Variants in APBB2 observed in about 807,000 individuals in gnomAD.
APBB2 encodes the protein Fe65-like 1.
Under a neutral mutation model 82.5 loss-of-function variants are expected in APBB2, and 38 were observed. That is an observed-to-expected ratio of 0.46 (90% CI 0.36 to 0.60). The LOEUF is 0.60. APBB2 is among the 20% of genes least tolerant of loss of function. The pLI is 0.00. For missense variants in APBB2, 772 were observed against 972.3 expected (o/e 0.79, Z 2.74); for synonymous variants, 341 against 368.2 (o/e 0.93, Z 0.85).
intron 10 of APBB2, among the ~76,000 whole-genome samples, chr4:40,904,362 C>T (rs963399545): frequency 2.0e-5 from 3 of 151,850 alleles, no homozygotes; most frequent in Admixed American, 1.3e-4. Flanking sequence ...ACCTGGGAGG[C>T]GCAGGTTGCA....
intron 2 of APBB2, among the ~76,000 whole-genome samples, chr4:41,103,428 C>T (rs1746115411): frequency 6.6e-6 from 1 of 151,994 alleles, no homozygotes; most frequent in Non-Finnish European, 1.5e-5. Flanking sequence ...TCAAGATAGG[C>T]ATAAAGATAT....
At chr4:41,133,098 A>C (rs1756536440) in intron 2 of APBB2, among the ~76,000 whole-genome samples, 1 of 152,218 alleles carries the variant, frequency 6.6e-6, no homozygotes, top group Non-Finnish European at 1.5e-5. Flanking sequence ...AATGGTAATC[A>C]CATTGATTCC....
chr4:41,080,766 G>A (rs1331634304), intron 3 of APBB2, among the ~76,000 whole-genome samples: 2 of 145,266 alleles, frequency 1.4e-5, no homozygotes, highest in African/African-American at 2.5e-5. Flanking sequence ...GCAGTGGCAT[G>A]ATCTCTCCTC....
intron 2 of APBB2, among the ~76,000 whole-genome samples, chr4:41,138,754 A>G (rs6836764): frequency 0.14 from 20,663 of 152,250 alleles, 1,561 homozygotes; most frequent in Non-Finnish European, 0.17. Flanking sequence ...CACTGCAAAA[A>G]TAAATAATAA....
chr4:40,895,877 A>C (rs928174273), intron 10 of APBB2, among the ~76,000 whole-genome samples: 1 of 152,208 alleles, frequency 6.6e-6, no homozygotes, highest in Non-Finnish European at 1.5e-5. Flanking sequence ...CATGTTATAC[A>C]TGAGGAAACT....
chr4:40,916,838 C>T (rs188327085), intron 10 of APBB2, among the ~76,000 whole-genome samples: 53 of 152,306 alleles, frequency 3.5e-4, no homozygotes, highest in Non-Finnish European at 5.7e-4. Context: ...GTTGTGAAGC[C>T]TTGAGATGGT....
chr4:41,155,239 G>GT (rs534389771), intron 1 of APBB2, among the ~76,000 whole-genome samples: 7 of 152,092 alleles, frequency 4.6e-5, no homozygotes, highest in African/African-American at 2.4e-5. Context: ...ATTTGGAACT[G>GT]TTTTTTTGTT....
rs186716685 is a variant in APBB2, at chr4:41,136,578, A to C, written c.-261+6409T>G. 5.9e-5 allele frequency among the ~76,000 whole-genome samples: 9 copies of C among 152,322 alleles called. No homozygotes were observed. The East Asian group carries it at 1.7e-3, about 29-fold the overall frequency. ...CTGGTCTACTCAGGTTGAAATGAGA[A>C]GATTACGAAGAAAGCAGGAAGCAGA... is the stretch of plus-strand genomic sequence containing the variant. On this transcript the variant is annotated intron_variant, in intron 2 of 17. Transcript: ENST00000508593.
intron 12 of APBB2, among the ~76,000 whole-genome samples, chr4:40,852,846 G>T (rs529973614): frequency 6.6e-6 from 1 of 152,220 alleles, no homozygotes; most frequent in African/African-American, 2.4e-5. Flanking sequence ...TTGCCACGTT[G>T]CCCAGGCTGG....
chr4:40,955,422 A>G (rs1791352826), intron 6 of APBB2, among the ~76,000 whole-genome samples: 1 of 152,268 alleles, frequency 6.6e-6, no homozygotes, highest in African/African-American at 2.4e-5. Flanking sequence ...GCAAAGGATT[A>G]TCTGAAGCTA....
Position 40,832,545 on chromosome 4 carries a change from G to A in APBB2, c.1530-1968C>T, listed in dbSNP as rs1303288061. Among the ~76,000 whole-genome samples, 1 of 152,002 alleles carries A rather than the reference G, an allele frequency of 6.6e-6. No homozygotes were observed. Among genetic ancestry groups the A allele is most frequent in the African/African-American group, 2.4e-5 (1 of 41,366 alleles). ...CGTGCCACACCCAATCCCCACATTCGTCCTGTTTCACCTCCTGGAAATTTC... is the reference window on the plus strand; with the variant it reads ...CGTGCCACACCCAATCCCCACATTCATCCTGTTTCACCTCCTGGAAATTTC... On this transcript the variant is annotated intron_variant, in intron 12 of 17. Coordinates refer to ENST00000508593, the MANE Select transcript of APBB2 (RefSeq NM_004307.2). The surrounding 1 kb of genome is among the most constrained non-coding windows in gnomAD (Gnocchi z 4.8).
chr4:41,091,951 G>GT (rs1378096875), intron 3 of APBB2, among the ~76,000 whole-genome samples: 1 of 152,158 alleles, frequency 6.6e-6, no homozygotes, highest in Non-Finnish European at 1.5e-5. Context: ...GTTTTGCAAG[G>GT]TTTTCTGGTA....
At chr4:40,865,507 C>A (rs775630607) in intron 12 of APBB2, among the ~76,000 whole-genome samples, 30 of 152,238 alleles carry the variant, frequency 2.0e-4, no homozygotes, top group Non-Finnish European at 2.9e-4. Flanking sequence ...GATTTCTGTC[C>A]CTGCAGTTTT....
chr4:41,019,816 A>G (rs1230429142), intron 5 of APBB2, among the ~76,000 whole-genome samples: 1 of 152,090 alleles, frequency 6.6e-6, no homozygotes, highest in Non-Finnish European at 1.5e-5. Flanking sequence ...GGGGAAGGAG[A>G]GGGGAGAACA....
intron 12 of APBB2, among the ~76,000 whole-genome samples, chr4:40,868,766 TAA>T (rs1379926523): frequency 6.6e-6 from 1 of 152,224 alleles, no homozygotes; most frequent in Non-Finnish European, 1.5e-5. Context: ...CCTTTTTATT[TAA>T]AGAGTTGAGA....
chr4:41,210,133 G>A lies in APBB2; in HGVS notation c.-417+4272C>T, dbSNP rs1232189104. The stretch of plus-strand genomic sequence containing the variant: ...CTCAGGTGGTAAAGGTCACTTGCCC[G>A]CCGCTCACCTCCTGCTCTATGGCCC... On this transcript the variant is annotated intron_variant, in intron 1 of 17. Coordinates refer to ENST00000508593, the MANE Select transcript of APBB2 (RefSeq NM_004307.2). 5.3e-5 allele frequency among the ~76,000 whole-genome samples: 8 copies of A among 152,232 alleles called. No homozygotes were observed. In the East Asian group the frequency reaches 7.7e-4, roughly 15 times the overall value.
intron 3 of APBB2, among the ~76,000 whole-genome samples, chr4:41,076,210 C>A (rs1023898973): frequency 6.6e-6 from 1 of 152,112 alleles, no homozygotes; most frequent in South Asian, 2.1e-4. Context: ...AACCAGTATG[C>A]GGCAAAGAAC....
At chr4:40,824,621 G>A (rs1297123694) in intron 15 of APBB2, among the ~76,000 whole-genome samples, 1 of 152,072 alleles carries the variant, frequency 6.6e-6, no homozygotes, top group Non-Finnish European at 1.5e-5. Context: ...TGGAGTAGCT[G>A]GGACTACAGG....
At chr4:41,051,501 G>GTT (rs1260159651) in intron 4 of APBB2, among the ~76,000 whole-genome samples, 1 of 152,168 alleles carries the variant, frequency 6.6e-6, no homozygotes, top group Non-Finnish European at 1.5e-5. Flanking sequence ...CCCTAACTGG[G>GTT]TTAGGTGGAC....
Sources: allele counts gnomAD v4.1 joint callset (sites outside exome capture counted in the v4.1 genomes callset), GRCh38; gene constraint gnomAD v4.1.1; non-coding constraint Gnocchi (gnomAD v3.1); transcripts MANE v1.5; gene names NCBI Gene and HGNC (gene_info 2026-07-23, HGNC 2026-07-21).